Variants in ZNF611 observed in about 807,000 individuals in gnomAD.
The protein encoded by ZNF611 is zinc finger protein 611.
Under a neutral mutation model 8.9 loss-of-function variants are expected in ZNF611, and 6 were observed. The observed-to-expected ratio is 0.68, with a 90% confidence interval of 0.37 to 1.34. The LOEUF is 1.34. Ranked by LOEUF, ZNF611 falls within the 40% of genes most tolerant of loss-of-function variation. ZNF611 has a pLI of 0.02. For missense variants in ZNF611, 874 were observed against 841.3 expected (o/e 1.04, Z -0.48); for synonymous variants, 262 against 279.7 (o/e 0.94, Z 0.63).
chr19:52,706,843 A>T lies in ZNF611; in HGVS notation c.212T>A (p.Met71Lys). The T allele has an allele frequency of 1.9e-6, 3 of 1,609,782 alleles. No individual in the cohort carries two copies. Among genetic ancestry groups the T allele is most frequent in the Non-Finnish European group, 1.7e-6 (2 of 1,178,622 alleles). The change falls in exon 6 of 6, where the codon ATG becomes AAG. Residue 71 changes from methionine (M) to lysine (K), a missense_variant. Physicochemically the swap from Met to Lys is moderately conservative, Grantham distance 95. Transcript: ENST00000652185. Reference sequence around the variant, plus strand: ...TTGCCCTGTTGACAAGACCTCCTTCATCATGCATTTGGAAGAGATATCTAC... The same window carrying T: ...TTGCCCTGTTGACAAGACCTCCTTCTTCATGCATTTGGAAGAGATATCTAC... ...EAVDISSKCM[M>K]KEVLSTGQGN...
intron 1 of ZNF611, among the ~76,000 whole-genome samples, chr19:52,733,796 T>A (rs111256136): frequency 5.9e-5 from 9 of 152,070 alleles, no homozygotes; most frequent in African/African-American, 1.9e-4. Context: ...TTCTCCTCCA[T>A]CCTCACAACT....
At chr19:52,729,470 G>C (rs1004807480) in intron 2 of ZNF611, among the ~76,000 whole-genome samples, 8 of 129,226 alleles carry the variant, frequency 6.2e-5, no homozygotes, top group African/African-American at 2.5e-4. Flanking sequence ...TCCAGCCTGG[G>C]TGACAGAGCG....
Position 52,715,753 on chromosome 19 carries a change from A to G in ZNF611, c.63+79T>C. The G allele has an allele frequency of 3.1e-6, 5 of 1,589,480 alleles. No homozygotes were observed. The South Asian group carries it at 3.3e-5, about 11-fold the overall frequency. The stretch of plus-strand genomic sequence containing the variant: ...GTGTCAGACAAGATGCTTCAGACTC[A>G]GAAAAGACTGGCTGCTACAATACCT... On this transcript the variant is annotated intron_variant, in intron 4 of 5. Transcript: ENST00000652185.
chr19:52,709,763 C>T (rs1048926176), intron 5 of ZNF611, among the ~76,000 whole-genome samples: 4 of 151,440 alleles, frequency 2.6e-5, no homozygotes, highest in African/African-American at 9.7e-5. Context: ...GATGTGGTTT[C>T]TCCATGTTGG....
In ZNF611 at chr19:52,706,207, AC is replaced by A. The variant is rs1217631535; in HGVS notation, c.847del (p.Val283LeufsTer30). ...CTCTTTACACTTGTAAGGTTTCTCAACAGTGTGACATCTATCATGGCATGCA... is the reference window on the plus strand; with the variant it reads ...CTCTTTACACTTGTAAGGTTTCTCAAAGTGTGACATCTATCATGGCATGCA... Reference protein sequence around the residue: ...YLACHDRCHTVEKPYKCKECG... With the variant: ...YLACHDRCHTXEKPYKCKECG... On this transcript the variant is annotated frameshift_variant, in exon 6 of 6. Transcript: ENST00000652185. LOFTEE classifies it low-confidence loss of function (END_TRUNC). 6.2e-7 allele frequency: 1 copy of A among 1,614,040 alleles called. No individual in the cohort carries two copies. Among genetic ancestry groups the A allele is most frequent in the African/African-American group, 1.3e-5 (1 of 74,936 alleles).
intron 3 of ZNF611, among the ~76,000 whole-genome samples, chr19:52,719,714 G>C (rs533349216): frequency 6.6e-6 from 1 of 151,916 alleles, no homozygotes; most frequent in East Asian, 1.9e-4. Context: ...ATTTCCCCCT[G>C]GACTTCTGCT....
chr19:52,726,701 A>G (rs1040962923), intron 3 of ZNF611, among the ~76,000 whole-genome samples: 7 of 147,932 alleles, frequency 4.7e-5, no homozygotes, highest in African/African-American at 1.7e-4. Flanking sequence ...TACAGGTGTG[A>G]GCCACCATGC....
Position 52,705,497 on chromosome 19 carries a change from T to G in ZNF611, c.1558A>C (p.Ser520Arg). The change falls in exon 6 of 6, where the codon AGT (serine) becomes CGT (arginine). Residue 520 changes from serine (S) to arginine (R), a missense_variant. Ser to Arg is a moderately radical substitution (Grantham distance 110). Coordinates refer to ENST00000652185, the MANE Select transcript of ZNF611 (RefSeq NM_001161499.2). ...TGTGTCTCAAGGCTTGATTTACGAC[T>G]GAAAACCTTTTCACATTCATCACAT... ...YKCDECEKVF[S>R]RKSSLETHKI... 1 of 1,614,190 alleles carries G rather than the reference T, an allele frequency of 6.2e-7. No individual in the cohort carries two copies. Among genetic ancestry groups the G allele is most frequent in the Non-Finnish European group, 8.5e-7 (1 of 1,180,026 alleles).
rs551796711 is a variant in ZNF611 at position 52,714,384 on chromosome 19, T to C, written c.64-243A>G. Among the ~76,000 whole-genome samples the C allele has an allele frequency of 2.6e-5, 4 of 151,976 alleles. No individual in the cohort carries two copies. In the South Asian group the frequency reaches 6.2e-4, roughly 24 times the overall value. On this transcript the variant is annotated intron_variant, in intron 4 of 5. Coordinates refer to ENST00000652185, the MANE Select transcript of ZNF611 (RefSeq NM_001161499.2). ...GATTTTATGGACAATATAAAAACTA[T>C]AAAAATAAAAAGGAAAAACAGGGCC...
intron 3 of ZNF611, chr19:52,724,609 T>A (rs2062380121): frequency 6.6e-6 from 1 of 152,192 alleles, no homozygotes; most frequent in African/African-American, 2.4e-5. Flanking sequence ...AATCTCTATA[T>A]ATTACCGCCT....
chr19:52,728,552 A>G (rs190611824), intron 3 of ZNF611, among the ~76,000 whole-genome samples, 178 bp downstream of exon 3: 1 of 151,700 alleles, frequency 6.6e-6, no homozygotes, highest in East Asian at 1.9e-4. Flanking sequence ...GAAAGAAAAG[A>G]AAAGAGAAAG....
intron 1 of ZNF611, among the ~76,000 whole-genome samples, chr19:52,733,245 T>A (rs2062436468): frequency 6.6e-6 from 1 of 152,140 alleles, no homozygotes; most frequent in South Asian, 2.1e-4. Flanking sequence ...GAACTCAACA[T>A]GTCACAACCA....
intron 3 of ZNF611, chr19:52,717,754 C>A (rs182798490): frequency 2.4e-4 from 225 of 930,136 alleles, no homozygotes; most frequent in African/African-American, 2.1e-3. Context: ...GCTCACAGAT[C>A]ACCATTTTTT....
intron 3 of ZNF611, among the ~76,000 whole-genome samples, chr19:52,721,835 G>A (rs965294648): frequency 6.6e-6 from 1 of 152,032 alleles, no homozygotes; most frequent in African/African-American, 2.4e-5. Context: ...TGCGATCTCA[G>A]CTCACCACAA....
At chr19:52,726,222 G>A (rs899525391) in intron 3 of ZNF611, among the ~76,000 whole-genome samples, 7 of 152,168 alleles carry the variant, frequency 4.6e-5, no homozygotes, top group Non-Finnish European at 8.8e-5. Flanking sequence ...GGAGGAGTGA[G>A]GTCACCACCT....
At position 52,734,542 on chromosome 19, in the gene ZNF611, G is replaced by A. The variant is rs936080766; in HGVS notation, c.-222+459C>T. Among the ~76,000 whole-genome samples, 166 of 54,736 alleles carry A rather than the reference G, an allele frequency of 3.0e-3. 2 individuals are homozygous for A. The highest frequency in any genetic ancestry group is 4.5e-3 in the Non-Finnish European group (125 of 27,486). 35.9% of individuals were successfully genotyped at this position (54,736 alleles called of 152,430 possible). On this transcript the variant is annotated intron_variant, in intron 1 of 5. Transcript: ENST00000652185. Reference sequence around the variant, plus strand: ...TGAGGAGGAAGGTGCGGGGCGGGGGGGGGGGGCGCGACGGCGCCTTAGGAC... The same window carrying A: ...TGAGGAGGAAGGTGCGGGGCGGGGGAGGGGGGCGCGACGGCGCCTTAGGAC...
In ZNF611 at chr19:52,707,090, T is replaced by G. The variant is rs539884167; in HGVS notation, c.191-226A>C. Among the ~76,000 whole-genome samples, 4 of 152,254 alleles carry G rather than the reference T, an allele frequency of 2.6e-5. No individual in the cohort carries two copies. In the South Asian group the frequency reaches 6.2e-4, roughly 24 times the overall value. On this transcript the variant is annotated intron_variant, in intron 5 of 5. Transcript: ENST00000652185. ...TATTTCCTATGTCATGACAAAACAC[T>G]GACAGGGCACAAACATGTGTAAGCC...
intron 2 of ZNF611, among the ~76,000 whole-genome samples, chr19:52,729,549 A>ACAATATT (rs1264494048): frequency 6.6e-6 from 1 of 151,616 alleles, no homozygotes; most frequent in African/African-American, 2.4e-5. Flanking sequence ...CAATGTTAAT[A>ACAATATT]CAATATTTTT....
intron 1 of ZNF611, among the ~76,000 whole-genome samples, chr19:52,731,439 C>T (rs921192047): frequency 1.3e-5 from 2 of 151,848 alleles, no homozygotes; most frequent in African/African-American, 2.4e-5. Context: ...GGCGCAATCT[C>T]GGCTCACTGC....
Sources: gnomAD v4.1 joint callset for allele counts (sites outside exome capture counted in the v4.1 genomes callset) on GRCh38, gnomAD v4.1.1 for gene constraint, MANE v1.5 for transcripts, NCBI Gene and HGNC (gene_info 2026-07-23, HGNC 2026-07-21) for gene names.